Variants in CCNB1 observed in about 807,000 individuals in gnomAD.
The protein encoded by CCNB1 is G2/mitotic-specific cyclin-B1.
In CCNB1, 26 loss-of-function variants were observed where a neutral mutation model predicts 44.4. The observed-to-expected ratio is 0.59, with a 90% CI of 0.43 to 0.81. CCNB1 has a LOEUF of 0.81. Among genes scored for constraint, CCNB1 ranks in the 40% least tolerant of loss-of-function variants. The pLI, the probability that CCNB1 is intolerant of heterozygous loss-of-function variation, is 0.00. For missense variants in CCNB1, 477 were observed against 520.9 expected, an observed-to-expected ratio of 0.92 and a Z score of 0.82; for synonymous variants, 195 against 181.4, an observed-to-expected ratio of 1.08 and a Z score of -0.60.
At chr5:69,168,140 A>G (rs1471844114) in intron 2 of CCNB1, 33 bp from the exon 3 acceptor site, 3 of 1,611,096 alleles carry the variant, frequency 1.9e-6, no homozygotes, top group Non-Finnish European at 2.5e-6. Flanking sequence ...CCTTTGATGC[A>G]GAAACATTTC....
At chr5:69,174,455 T>A in intron 5 of CCNB1, 46 bp downstream of exon 5, 1 of 1,590,326 alleles carries the variant, frequency 6.3e-7, no homozygotes, top group Non-Finnish European at 8.6e-7. Flanking sequence ...TCTAGCCGAG[T>A]CATAAGAAAC....
rs752344882 is a variant in CCNB1, at chr5:69,171,435, T to A, written c.529T>A (p.Tyr177Asn). Reference protein sequence around the residue: ...CSEYVKDIYAYLRQLEEEQAV... With the variant: ...CSEYVKDIYANLRQLEEEQAV... ...TGAATATGTGAAAGATATTTATGCT[T>A]ATCTGAGACAACTTGAGGTAAGTAT... Residue 177 changes from tyrosine to asparagine, a missense_variant, in exon 4 of 9, where the codon TAT becomes AAT. Tyr to Asn is a moderately radical substitution (Grantham distance 143). Transcript: ENST00000256442. The A allele has an allele frequency of 6.2e-7, 1 of 1,601,664 alleles. No individual in the cohort carries two copies. The highest frequency in any genetic ancestry group is 2.2e-5 in the East Asian group (1 of 44,766).
rs758845734 is a variant in CCNB1, at chr5:69,171,315, C to T, written c.409C>T (p.Pro137Ser). The T allele has an allele frequency of 5.6e-6, 9 of 1,613,452 alleles. No individual in the cohort carries two copies. The highest frequency in any genetic ancestry group is 7.6e-6 in the Non-Finnish European group (9 of 1,179,874). Residue 137 changes from proline to serine, a missense_variant, in exon 4 of 9, where the codon CCT becomes TCT. Physicochemically the swap from Pro to Ser is moderately conservative, Grantham distance 74. Transcript: ENST00000256442. ...PSPMETSGCA[P>S]AEEDLCQAFS... ...CCCAATGGAAACATCTGGATGTGCC[C>T]CTGCAGAAGAAGACCTGTGTCAGGC...
In CCNB1 at chr5:69,171,276, A is replaced by T; in HGVS notation, c.370A>T (p.Thr124Ser). ...KLSPEPILVDTASPSPMETSG... is the reference protein window; with the variant it reads ...KLSPEPILVDSASPSPMETSG... ...GATATCTCTTTGTTTCAAGGTTGAT[A>T]CTGCCTCTCCAAGCCCAATGGAAAC... Residue 124 changes from threonine to serine, a missense_variant, in exon 4 of 9, where the codon ACT (threonine) becomes TCT (serine). Physicochemically the swap from Thr to Ser is moderately conservative, Grantham distance 58. Transcript: ENST00000256442. 1 of 1,606,546 alleles carries T rather than the reference A, an allele frequency of 6.2e-7. No homozygotes were observed. The highest frequency in any genetic ancestry group is 8.5e-7 in the Non-Finnish European group (1 of 1,177,742).
chr5:69,174,227 A>G, intron 4 of CCNB1, 24 bp from the exon 5 acceptor site: 2 of 1,611,678 alleles, frequency 1.2e-6, no homozygotes, highest in Admixed American at 3.3e-5. Flanking sequence ...TGTTTCTAAG[A>G]ATAATCAGCA....
intron 6 of CCNB1, 119 bp from the exon 7 acceptor site, chr5:69,175,278 C>G (rs765149965): frequency 5.6e-5 from 60 of 1,068,794 alleles, no homozygotes; most frequent in Non-Finnish European, 7.6e-5. Context: ...TTAGGACTTT[C>G]CATGGGCATT....
intron 1 of CCNB1, 149 bp from the exon 2 acceptor site, chr5:69,167,759 G>T (rs1228143101): frequency 4.6e-6 from 3 of 659,008 alleles, no homozygotes; most frequent in Non-Finnish European, 2.5e-6. Flanking sequence ...CACGGCCGCA[G>T]AGTAGACTCT....
rs1387836012 is a variant in CCNB1 at position 69,175,265 on chromosome 5, A to G, written c.943-132A>G. 6 of 1,044,424 alleles carry G rather than the reference A, an allele frequency of 5.7e-6. No individual in the cohort carries two copies. The East Asian group carries it at 1.4e-4, about 25-fold the overall frequency. The allele number at this position is 1,044,424 out of a possible 1,614,324, so 64.7% of individuals were successfully genotyped here. A position where few individuals can be genotyped will look rare whatever the true frequency, so the allele number is the denominator to read the frequency against. On this transcript the variant is annotated intron_variant, in intron 6 of 8. Coordinates refer to ENST00000256442, the MANE Select transcript of CCNB1 (RefSeq NM_031966.4). ...TTATTTCTAGTCAGGCTGCATGTTA[A>G]TATTAGGACTTTCCATGGGCATTTG...
intron 7 of CCNB1, 161 bp from the exon 8 acceptor site, chr5:69,177,078 A>G (rs1747612150): frequency 2.0e-6 from 1 of 498,582 alleles, no homozygotes; most frequent in Admixed American, 3.6e-5. Context: ...AGGAAGCATG[A>G]GAGCACCTAG....
At chr5:69,173,918 C>T (rs1056178884) in intron 4 of CCNB1, among the ~76,000 whole-genome samples, 4 of 152,034 alleles carry the variant, frequency 2.6e-5, no homozygotes, top group East Asian at 1.9e-4. Flanking sequence ...TACAGGTGTG[C>T]GCAACCATGC....
chr5:69,174,776 A>C, intron 5 of CCNB1, 101 bp from the exon 6 acceptor site: 1 of 935,460 alleles, frequency 1.1e-6, no homozygotes. Context: ...TGGTGTCATT[A>C]AGATTTTGCT....
chr5:69,167,380 C>A (rs752836347), intron 1 of CCNB1, 97 bp downstream of exon 1: 2 of 1,430,914 alleles, frequency 1.4e-6, no homozygotes, highest in Admixed American at 1.7e-5. Context: ...GAGAGGGCCG[C>A]AGGAGCGATT....
rs1443052164 is a variant in CCNB1, at chr5:69,168,280, G to A, written c.300G>A (p.Glu100=). 1.2e-6 allele frequency: 2 copies of A among 1,613,160 alleles called. No individual in the cohort carries two copies. The highest frequency in any genetic ancestry group is 1.7e-5 in the Admixed American group (1 of 59,836). ...TGCCAGTGTCTGAGCCAGTGCCAGA[G>A]CCAGAACCTGAGCCAGAACCTGAGC... is the stretch of plus-strand genomic sequence containing the variant. ...VPVPVSEPVP[E]PEPEPEPEPV... The change falls in exon 3 of 9, where the codon GAG becomes GAA. Residue 100 remains glutamate (E), a synonymous_variant. Transcript: ENST00000256442.
intron 4 of CCNB1, 25 bp downstream of exon 4, chr5:69,171,477 T>C (rs756173499): frequency 9.3e-6 from 14 of 1,508,008 alleles, no homozygotes; most frequent in South Asian, 3.6e-5. Flanking sequence ...TCGTTTTTTT[T>C]CTAAACTGCA....
chr5:69,171,504 T>A, intron 4 of CCNB1, 52 bp downstream of exon 4: 1 of 1,310,120 alleles, frequency 7.6e-7, no homozygotes, highest in Non-Finnish European at 1.1e-6. Context: ...TTTATGAAAG[T>A]ATTTTCCATC....
rs1398822089 is a variant in CCNB1, at chr5:69,174,913, G to C, written c.742G>C (p.Gly248Arg). Reference protein sequence around the residue: ...CVPKKMLQLVGVTAMFIASKY... With the variant: ...CVPKKMLQLVRVTAMFIASKY... Reference sequence around the variant, plus strand: ...GCCCAAGAAGATGCTGCAGCTGGTTGGTGTCACTGCCATGTTTATTGCAAG... The same window carrying C: ...GCCCAAGAAGATGCTGCAGCTGGTTCGTGTCACTGCCATGTTTATTGCAAG... Residue 248 changes from glycine to arginine, a missense_variant, in exon 6 of 9, where the codon GGT becomes CGT. Gly to Arg is a moderately radical substitution (Grantham distance 125). Transcript: ENST00000256442. The C allele has an allele frequency of 6.2e-7, 1 of 1,614,040 alleles. No individual in the cohort carries two copies.
chr5:69,174,841 A>AAC (rs1747546388), intron 5 of CCNB1, 36 bp from the exon 6 acceptor site: 2 of 1,542,572 alleles, frequency 1.3e-6, no homozygotes, highest in Admixed American at 1.7e-5. Context: ...CTCCTTTTCA[A>AAC]ACATTTTATT....
chr5:69,175,364 G>T, intron 6 of CCNB1, 33 bp from the exon 7 acceptor site: 1 of 1,599,066 alleles, frequency 6.3e-7, no homozygotes, highest in South Asian at 1.1e-5. Context: ...AAAATTTTCT[G>T]AAAGAAACTC....
intron 7 of CCNB1, chr5:69,176,957 G>A (rs1309554557): frequency 1.3e-5 from 3 of 238,918 alleles, no homozygotes; most frequent in South Asian, 1.3e-4. Flanking sequence ...AGCCTGGAGC[G>A]AGACTCCATC....
Sources: gnomAD v4.1 joint callset for allele counts (sites outside exome capture counted in the v4.1 genomes callset) on GRCh38, gnomAD v4.1.1 for gene constraint, MANE v1.5 for transcripts, NCBI Gene and HGNC (gene_info 2026-07-23, HGNC 2026-07-21) for gene names.